KAZN: variants seen among roughly 807,000 people sequenced by gnomAD.
KAZN encodes the protein kazrin, periplakin interacting protein, also known as kazrin.
KAZN carries 40 observed loss-of-function variants against 87.4 expected under a neutral mutation model. The observed-to-expected ratio is 0.46, with a 90% confidence interval of 0.36 to 0.60. The LOEUF (loss-of-function observed/expected upper bound fraction) is 0.60, where lower values mean the gene tolerates loss of function less well. Among genes scored for constraint, KAZN ranks in the 20% least tolerant of loss-of-function variants. The pLI is 0.00. For synonymous variants in KAZN, 466 were observed against 458.3 expected, an observed-to-expected ratio of 1.02 and a Z score of -0.22; for missense variants, 898 against 1,073.9, an observed-to-expected ratio of 0.84 and a Z score of 2.29.
chr1:13,981,090 T>TATATATATATAC (rs1491478568), intron 1 of KAZN, among the ~76,000 whole-genome samples: 8 of 100,058 alleles, frequency 8.0e-5, no homozygotes, highest in African/African-American at 3.7e-4. Flanking sequence ...AATTACTCTT[T>TATATATATATAC]ATATATATAT....
chr1:14,143,151 G>A (rs1263510903), intron 1 of KAZN, among the ~76,000 whole-genome samples: 3 of 152,162 alleles, frequency 2.0e-5, no homozygotes, highest in South Asian at 2.1e-4. Context: ...TTGGAACGAC[G>A]GTTCCTAATT....
chr1:14,801,907 A>G (rs901213514), intron 1 of KAZN, among the ~76,000 whole-genome samples: 1 of 151,790 alleles, frequency 6.6e-6, no homozygotes, highest in African/African-American at 2.4e-5. Context: ...TATGGTGTCT[A>G]TCTCCTGACC....
intron 1 of KAZN, among the ~76,000 whole-genome samples, chr1:14,137,928 C>G (rs1046241649): frequency 6.6e-6 from 1 of 152,010 alleles, no homozygotes; most frequent in African/African-American, 2.4e-5. Context: ...CCAGGAGCTT[C>G]AGTGTGTATC....
chr1:14,883,343 A>AG (rs375634372), intron 1 of KAZN, among the ~76,000 whole-genome samples: 2,121 of 33,164 alleles, frequency 0.064, 501 homozygotes, highest in Non-Finnish European at 0.09. Flanking sequence ...AGAGAGAGAG[A>AG]AAGAAAGAAA....
chr1:14,709,608 A>G (rs1642385466), intron 1 of KAZN, among the ~76,000 whole-genome samples: 1 of 152,172 alleles, frequency 6.6e-6, no homozygotes, highest in East Asian at 1.9e-4. Flanking sequence ...CAGCAGAGAA[A>G]ACCAGGGCTG....
chr1:14,626,971 G>A lies in KAZN; in HGVS notation c.226+27748G>A, dbSNP rs535231228. On this transcript the variant is annotated intron_variant, in intron 1 of 14. Transcript: ENST00000376030. ...TGTGCCCCTTTAGCACTCTGAAGTC[G>A]CTTACCAGGACACTCGGTAAATATT... 5.9e-5 allele frequency among the ~76,000 whole-genome samples: 9 copies of A among 152,198 alleles called. No homozygotes were observed. In the South Asian group the frequency reaches 1.0e-3, roughly 18 times the overall value.
At chr1:14,965,179 C>T (rs757666774) in intron 2 of KAZN, among the ~76,000 whole-genome samples, 2 of 151,946 alleles carry the variant, frequency 1.3e-5, no homozygotes, top group South Asian at 2.1e-4. Flanking sequence ...CCACCATGCC[C>T]GGCTAATTTT....
intron 4 of KAZN, among the ~76,000 whole-genome samples, chr1:15,051,625 C>A (rs577019135): frequency 3.8e-4 from 58 of 152,312 alleles, no homozygotes; most frequent in African/African-American, 1.4e-3. Flanking sequence ...TCATTATCCC[C>A]GTTAGACAGC....
chr1:15,114,462 T>C lies in KAZN; in HGVS notation c.2164-9T>C. On this transcript the variant is annotated splice_polypyrimidine_tract_variant and intron_variant, in intron 14 of 14. Transcript: ENST00000376030. ...TTCCTGTCCTTTGATCATATTCTTC[T>C]CTTCTCAGCTGCCCCTGGGGAAGAT... 6.2e-7 allele frequency: 1 copy of C among 1,603,816 alleles called. No homozygotes were observed. Among genetic ancestry groups the C allele is most frequent in the Non-Finnish European group, 8.5e-7 (1 of 1,174,162 alleles).
At chr1:14,580,114 G>A (rs1355659511) in intron 2 of KAZN, among the ~76,000 whole-genome samples, 1 of 152,170 alleles carries the variant, frequency 6.6e-6, no homozygotes, top group Non-Finnish European at 1.5e-5. Flanking sequence ...CCGTCACTGG[G>A]ACTTCCAGGG....
rs12354286 is a variant in KAZN at position 14,644,604 on chromosome 1, G to A, written c.226+45381G>A. 7.5e-3 allele frequency among the ~76,000 whole-genome samples: 1,145 copies of A among 152,056 alleles called. 15 individuals carry two copies. Among genetic ancestry groups the A allele is most frequent in the African/African-American group, 0.025 (1,035 of 41,492 alleles). On this transcript the variant is annotated intron_variant, in intron 1 of 14. Coordinates refer to ENST00000376030, the MANE Select transcript of KAZN (RefSeq NM_201628.3). ...TCTTGATCTCCTGAGCTCGTGATCC[G>A]CCTGCCTTGGCCTCCCAAAGTGCTG...
intron 1 of KAZN, among the ~76,000 whole-genome samples, chr1:14,722,395 T>G (rs1383622003): frequency 1.3e-5 from 2 of 152,226 alleles, no homozygotes; most frequent in Non-Finnish European, 2.9e-5. Context: ...TATTATAATA[T>G]TCTATCTAAT....
intron 1 of KAZN, among the ~76,000 whole-genome samples, chr1:14,045,716 T>C (rs567728396): frequency 6.6e-6 from 1 of 152,296 alleles, no homozygotes; most frequent in African/African-American, 2.4e-5. Flanking sequence ...AGTTGCTTAT[T>C]ACTGAGCCTT....
chr1:14,443,808 C>T (rs1334069113), intron 2 of KAZN, among the ~76,000 whole-genome samples: 1 of 152,160 alleles, frequency 6.6e-6, no homozygotes, highest in Non-Finnish European at 1.5e-5. Context: ...TTCCTGCTGC[C>T]AAAATGGTAT....
intron 2 of KAZN, among the ~76,000 whole-genome samples, chr1:14,355,382 T>G (rs1263625732): frequency 4.0e-5 from 6 of 150,656 alleles, no homozygotes; most frequent in Admixed American, 1.3e-4. Context: ...TACTGGTTTT[T>G]GTTGTTGAAC....
At position 15,094,752 on chromosome 1, in the gene KAZN, C is replaced by G; in HGVS notation, c.1429-63C>G. The G allele has an allele frequency of 7.8e-7, 1 of 1,275,644 alleles. No individual in the cohort carries two copies. The highest frequency in any genetic ancestry group is 1.1e-6 in the Non-Finnish European group (1 of 906,518). The allele number at this position is 1,275,644 out of a possible 1,614,324, so 79.0% of individuals were successfully genotyped here. A position where few individuals can be genotyped will look rare whatever the true frequency, so the allele number is the denominator to read the frequency against. ...GGAGCCCCATGTCAACAGACCCCCT[C>G]TAGGGCAGGAACCCCGCCGGCAGCT... On this transcript the variant is annotated intron_variant, in intron 9 of 14. Coordinates refer to ENST00000376030, the MANE Select transcript of KAZN (RefSeq NM_201628.3). The surrounding 1 kb of genome is among the most constrained non-coding windows in gnomAD (Gnocchi z 4.5).
chr1:14,106,760 G>A (rs2101659102), intron 1 of KAZN, among the ~76,000 whole-genome samples: 1 of 152,302 alleles, frequency 6.6e-6, no homozygotes, highest in East Asian at 1.9e-4. Flanking sequence ...CAGAAGATGT[G>A]AATGATATAT....
In KAZN at chr1:14,455,013, G is replaced by A. The variant is rs188284390; in HGVS notation, c.250-143970G>A. Among the ~76,000 whole-genome samples the A allele has an allele frequency of 9.9e-4, 151 of 152,120 alleles. 1 individual carries two copies. The highest frequency in any genetic ancestry group is 3.5e-3 in the African/African-American group (147 of 41,510). ...GAAGCCTCCATTCCTCACCTTGTGG[G>A]CTTCTCCATAGAGCTGCTCATGACT... On this transcript the variant is annotated intron_variant, in intron 2 of 16. Coordinates refer to the KAZN transcript ENST00000636203.
At chr1:13,943,190 A>G (rs1641003647) in intron 1 of KAZN, among the ~76,000 whole-genome samples, 1 of 152,226 alleles carries the variant, frequency 6.6e-6, no homozygotes, top group South Asian at 2.1e-4. Context: ...TGAAAATGAA[A>G]AAAGGAAGTT....
Sources: gnomAD v4.1 joint callset for allele counts (sites outside exome capture counted in the v4.1 genomes callset) on GRCh38, gnomAD v4.1.1 for gene constraint, Gnocchi (gnomAD v3.1) non-coding constraint, MANE v1.5 for transcripts, NCBI Gene and HGNC (gene_info 2026-07-23, HGNC 2026-07-21) for gene names.